The following PDE2A variants were observed in gnomAD, a reference collection of about 807,000 sequenced individuals.
The protein encoded by PDE2A is phosphodiesterase 2A.
In PDE2A, 53 loss-of-function variants were observed where a neutral mutation model predicts 133.6. The ratio of observed to expected loss-of-function variants is 0.40; its 90% confidence interval spans 0.32 to 0.50. The LOEUF (loss-of-function observed/expected upper bound fraction) is 0.50, where lower values mean the gene tolerates loss of function less well. PDE2A is among the 20% of genes least tolerant of loss of function. The pLI, the probability that PDE2A is intolerant of heterozygous loss-of-function variation, is 0.73. For synonymous variants in PDE2A, 491 were observed against 490.2 expected (o/e 1.00, Z -0.02); for missense variants, 796 against 1,232.4 (o/e 0.65, Z 5.30).
At position 72,605,226 on chromosome 11, in the gene PDE2A, C is replaced by T. The variant is rs2135350392; in HGVS notation, c.235G>A (p.Glu79Lys). 6.2e-7 allele frequency: 1 copy of T among 1,600,610 alleles called. No homozygotes were observed. Among genetic ancestry groups the T allele is most frequent in the East Asian group, 2.3e-5 (1 of 44,398 alleles). Residue 79 changes from glutamate (E) to lysine (K), a missense_variant and splice_region_variant, in exon 4 of 31, where the codon GAA becomes AAA. By Grantham distance (56) the Glu-to-Lys change is moderately conservative (BLOSUM62 1). This residue lies in a region of PDE2A where 417 missense variants were observed against 475.3 expected (regional missense o/e 0.88). Transcript: ENST00000334456. The part of the protein sequence containing the change: ...EALSAVLPRV[E>K]TVYTYLLDGE... ...TCCAGTAGGTAGGTGTAGACAGTTTCCTAGGACAGAAGGCACTTATGAGAC... is the reference window on the plus strand; with the variant it reads ...TCCAGTAGGTAGGTGTAGACAGTTTTCTAGGACAGAAGGCACTTATGAGAC...
Position 72,584,181 on chromosome 11 carries a change from A to ACCCCCCCCCCCCCCCC in PDE2A, c.1650+19_1650+20insGGGGGGGGGGGGGGGG. 1 of 500,252 alleles carries ACCCCCCCCCCCCCCCC rather than the reference A, an allele frequency of 2.0e-6. No homozygotes were observed. Among genetic ancestry groups the ACCCCCCCCCCCCCCCC allele is most frequent in the Non-Finnish European group, 3.3e-6 (1 of 307,334 alleles). The allele number at this position is 500,252 out of a possible 1,614,324, so 31.0% of individuals were successfully genotyped here. ...CCCGCCCCCTATCACCCCACACCCC[A>ACCCCCCCCCCCCCCCC]CTCCCAACCCCGCCCTCACATGGGC... On this transcript the variant is annotated intron_variant, in intron 19 of 30. Coordinates refer to ENST00000334456, the MANE Select transcript of PDE2A (RefSeq NM_002599.5).
intron 1 of PDE2A, among the ~76,000 whole-genome samples, chr11:72,672,409 C>G (rs1382369688): frequency 6.6e-6 from 1 of 152,214 alleles, no homozygotes; most frequent in Admixed American, 6.5e-5. Context: ...TCGTCTCAAA[C>G]TCCTGGCCTC....
chr11:72,615,799 G>A (rs904007714), intron 2 of PDE2A, among the ~76,000 whole-genome samples: 5 of 152,164 alleles, frequency 3.3e-5, no homozygotes, highest in Admixed American at 2.6e-4. Context: ...GGCAGCTCGC[G>A]GCAGTCACAA....
Position 72,586,165 on chromosome 11 carries a change from C to T in PDE2A, c.1087G>A (p.Glu363Lys), listed in dbSNP as rs139844982. 8.6e-4 allele frequency: 1,392 copies of T among 1,609,990 alleles called. 5 individuals are homozygous for T. Among genetic ancestry groups the T allele is most frequent in the Middle Eastern group, 2.6e-3 (16 of 6,060 alleles). Residue 363 changes from glutamate to lysine, a missense_variant, in exon 14 of 31, where the codon GAG (glutamate) becomes AAG (lysine). By Grantham distance (56) the Glu-to-Lys change is moderately conservative. Coordinates refer to ENST00000334456, the MANE Select transcript of PDE2A (RefSeq NM_002599.5). ...TGGAAGCAGTGCTGGATCACATGCTCGTCCTCGTCGGTGAACCTGGAGGAG... is the reference window on the plus strand; with the variant it reads ...TGGAAGCAGTGCTGGATCACATGCTTGTCCTCGTCGGTGAACCTGGAGGAG... ...LEGDLFTDED[E>K]HVIQHCFHYT...
intron 1 of PDE2A, among the ~76,000 whole-genome samples, chr11:72,660,670 GAC>G (rs1004418539): frequency 1.3e-5 from 2 of 152,132 alleles, no homozygotes; most frequent in African/African-American, 4.8e-5. Flanking sequence ...TGAACCAAGA[GAC>G]AGTCCTCAAG....
chr11:72,614,978 C>A, intron 2 of PDE2A: 1 of 380,710 alleles, frequency 2.6e-6, no homozygotes, highest in South Asian at 1.8e-5. Context: ...CTCTTCCTCC[C>A]CTCCCTCCTC....
At chr11:72,627,171 T>C (rs1858119366) in intron 2 of PDE2A, among the ~76,000 whole-genome samples, 1 of 152,370 alleles carries the variant, frequency 6.6e-6, no homozygotes, top group South Asian at 2.1e-4. Flanking sequence ...GAAGTATTTA[T>C]TGAGCACCTA....
Position 72,581,895 on chromosome 11 carries a change from T to A in PDE2A, c.1904A>T (p.Asp635Val). Residue 635 changes from aspartate (D) to valine (V), a missense_variant, in exon 22 of 31, where the codon GAC becomes GTC. This residue lies in a region of PDE2A where 218 missense variants were observed against 465.9 expected (regional missense o/e 0.47). Transcript: ENST00000334456. Reference sequence around the variant, plus strand: ...CACGAACCGGGCCAGGGTCGGGCAGTCAATTTTGTAGTTGTTGATGAAATT... The same window carrying A: ...CACGAACCGGGCCAGGGTCGGGCAGACAATTTTGTAGTTGTTGATGAAATT... The part of the protein sequence containing the change: ...DMNFINNYKI[D>V]CPTLARFCLM... 1 of 1,613,984 alleles carries A rather than the reference T, an allele frequency of 6.2e-7. No homozygotes were observed. Among genetic ancestry groups the A allele is most frequent in the Non-Finnish European group, 8.5e-7 (1 of 1,179,952 alleles).
At chr11:72,610,076 A>G (rs972676991) in intron 2 of PDE2A, among the ~76,000 whole-genome samples, 5 of 152,140 alleles carry the variant, frequency 3.3e-5, no homozygotes. Context: ...GACCTATGAA[A>G]CGAGGGAATT....
chr11:72,650,995 C>T (rs1394292030), intron 1 of PDE2A, among the ~76,000 whole-genome samples: 1 of 151,908 alleles, frequency 6.6e-6, no homozygotes, highest in African/African-American at 2.4e-5. Flanking sequence ...GCAACAGGGA[C>T]CAAGGCCCCA....
At chr11:72,599,508 A>T (rs1228091705) in intron 4 of PDE2A, among the ~76,000 whole-genome samples, 1 of 151,856 alleles carries the variant, frequency 6.6e-6, no homozygotes, top group Non-Finnish European at 1.5e-5. Context: ...CCCCCATCCG[A>T]TCAGTGAGTC....
intron 1 of PDE2A, among the ~76,000 whole-genome samples, chr11:72,663,828 A>C (rs115525839): frequency 6.6e-6 from 1 of 152,118 alleles, no homozygotes; most frequent in African/African-American, 2.4e-5. Flanking sequence ...TGATATCAAC[A>C]GGCTGTGTGA....
At chr11:72,583,336 G>C in intron 20 of PDE2A, 102 bp downstream of exon 20, 1 of 842,166 alleles carries the variant, frequency 1.2e-6, no homozygotes, top group Non-Finnish European at 2.0e-6. Context: ...GTGGCTCTGG[G>C]CCTATCCTCT....
At chr11:72,637,867 TC>T (rs977379840) in intron 2 of PDE2A, among the ~76,000 whole-genome samples, 4 of 152,196 alleles carry the variant, frequency 2.6e-5, no homozygotes, top group Non-Finnish European at 5.9e-5. Flanking sequence ...CTGTAGCTTC[TC>T]GTCATTTACC....
intron 13 of PDE2A, among the ~76,000 whole-genome samples, chr11:72,588,206 A>G (rs563184871): frequency 6.6e-6 from 1 of 152,318 alleles, no homozygotes; most frequent in South Asian, 2.1e-4. Context: ...CCTGTTTATG[A>G]GTTGGTGTAG....
chr11:72,601,293 C>T (rs1462378384), intron 4 of PDE2A, among the ~76,000 whole-genome samples: 1 of 95,458 alleles, frequency 1.0e-5, no homozygotes, highest in African/African-American at 4.1e-5. Context: ...GCCCCCATCA[C>T]CTCACTGAGG....
intron 2 of PDE2A, among the ~76,000 whole-genome samples, chr11:72,639,446 T>C (rs1477676857): frequency 1.3e-5 from 2 of 152,168 alleles, no homozygotes; most frequent in Non-Finnish European, 2.9e-5. Flanking sequence ...TGGGCCACTA[T>C]GGACTAAGAC....
chr11:72,646,946 C>T (rs1859142614), intron 1 of PDE2A, among the ~76,000 whole-genome samples: 2 of 152,208 alleles, frequency 1.3e-5, no homozygotes, highest in Admixed American at 6.5e-5. Flanking sequence ...AGGAAGAAAA[C>T]TGCCATCCAA....
chr11:72,658,199 C>T (rs1854952155), intron 1 of PDE2A: 1 of 446,396 alleles, frequency 2.2e-6, no homozygotes, highest in African/African-American at 2.0e-5. Context: ...CTTCTCTGAA[C>T]TGCCAGCAAT....
Sources: gnomAD v4.1 joint callset for allele counts (sites outside exome capture counted in the v4.1 genomes callset) on GRCh38, gnomAD v4.1.1 for gene constraint, gnomAD v4.1.1 regional missense constraint, MANE v1.5 for transcripts, NCBI Gene and HGNC (gene_info 2026-07-23, HGNC 2026-07-21) for gene names.